The following DNMT3B variants were observed in gnomAD, a reference collection of about 807,000 sequenced individuals.
The protein encoded by DNMT3B is DNA methyltransferase 3 beta, also known as DNA (cytosine-5)-methyltransferase 3B.
A neutral mutation model predicts 120.2 loss-of-function variants in DNMT3B; 37 were observed. The observed-to-expected ratio is 0.31, with a 90% CI of 0.24 to 0.40. The LOEUF is 0.40. Ranked by LOEUF, DNMT3B falls within the 10% of genes least tolerant of loss-of-function variation. The pLI, the probability that DNMT3B is intolerant of heterozygous loss-of-function variation, is 1.00. For missense variants in DNMT3B, 878 were observed against 1,137.3 expected, an observed-to-expected ratio of 0.77 and a Z score of 3.28; for synonymous variants, 412 against 442.8, an observed-to-expected ratio of 0.93 and a Z score of 0.87.
At chr20:32,790,134 T>G (rs1057368067) in intron 7 of DNMT3B, among the ~76,000 whole-genome samples, 2 of 152,158 alleles carry the variant, frequency 1.3e-5, no homozygotes, top group African/African-American at 4.8e-5. Flanking sequence ...ATGAGCTAAT[T>G]GAAGTTTCCC....
intron 10 of DNMT3B, among the ~76,000 whole-genome samples, chr20:32,794,122 G>A (rs1461128141): frequency 6.6e-6 from 1 of 152,116 alleles, no homozygotes; most frequent in Non-Finnish European, 1.5e-5. Flanking sequence ...ATTTTGGGAC[G>A]CTGAGGTGGG....
chr20:32,794,869 T>G (rs1980422201), intron 10 of DNMT3B, among the ~76,000 whole-genome samples: 1 of 152,254 alleles, frequency 6.6e-6, no homozygotes. Context: ...CTGTATTAAC[T>G]ATATACAGAT....
intron 1 of DNMT3B, among the ~76,000 whole-genome samples, chr20:32,764,589 C>G (rs1390563892): frequency 2.0e-5 from 3 of 152,148 alleles, no homozygotes; most frequent in Non-Finnish European, 2.9e-5. Flanking sequence ...TGTTCCCTTT[C>G]GAACGGAGTC....
chr20:32,771,430 C>T (rs1987729708), intron 1 of DNMT3B, among the ~76,000 whole-genome samples: 1 of 152,100 alleles, frequency 6.6e-6, no homozygotes, highest in African/African-American at 2.4e-5. Context: ...CGCCTGAGGT[C>T]AGGAGTTCGA....
chr20:32,801,208 C>A, intron 18 of DNMT3B, 70 bp from the exon 19 acceptor site: 1 of 1,610,256 alleles, frequency 6.2e-7, no homozygotes. Context: ...ACCTGCTGGT[C>A]TCAGGGAATA....
rs1987012125 is a variant in DNMT3B, at chr20:32,762,437, C to T, written c.-269C>T. Reference sequence around the variant, plus strand: ...GCGCCGCTTCCTCGCAGCAGCTGCTCCCGGCTCCGCGGCCGCAGCCCGCGT... The same window carrying T: ...GCGCCGCTTCCTCGCAGCAGCTGCTTCCGGCTCCGCGGCCGCAGCCCGCGT... On this transcript the variant is annotated 5_prime_UTR_variant, in exon 1 of 23. Coordinates refer to ENST00000328111, the MANE Select transcript of DNMT3B (RefSeq NM_006892.4). 6.3e-6 allele frequency: 1 copy of T among 159,026 alleles called. No homozygotes were observed. The highest frequency in any genetic ancestry group is 2.4e-5 in the African/African-American group (1 of 41,454). 9.9% of individuals were successfully genotyped at this position (159,026 alleles called of 1,614,324 possible).
chr20:32,804,794 C>T (rs1222350460), intron 20 of DNMT3B, among the ~76,000 whole-genome samples: 2 of 149,824 alleles, frequency 1.3e-5, no homozygotes, highest in East Asian at 2.0e-4. Context: ...TAGGCTTAAG[C>T]GATCCTCCTG....
At chr20:32,780,543 G>C in intron 2 of DNMT3B, 78 bp downstream of exon 2, 1 of 1,570,832 alleles carries the variant, frequency 6.4e-7, no homozygotes, top group Non-Finnish European at 8.6e-7. Flanking sequence ...GGAGGCTTTG[G>C]GGAGAGTCTC....
chr20:32,787,602 C>A, intron 6 of DNMT3B, 151 bp downstream of exon 6: 1 of 915,326 alleles, frequency 1.1e-6, no homozygotes, highest in Non-Finnish European at 1.7e-6. Flanking sequence ...TAAGTATCTT[C>A]CATATGCACC....
intron 1 of DNMT3B, among the ~76,000 whole-genome samples, chr20:32,767,000 C>T (rs1405590662): frequency 1.3e-5 from 2 of 152,106 alleles, no homozygotes; most frequent in Non-Finnish European, 2.9e-5. Context: ...AAGTGATTCT[C>T]CTGCGTCAGC....
chr20:32,774,014 G>T (rs1399244761), intron 1 of DNMT3B, among the ~76,000 whole-genome samples: 1 of 123,612 alleles, frequency 8.1e-6, no homozygotes, highest in African/African-American at 3.1e-5. Context: ...TTCCTTATCA[G>T]ACAGAGCAAA....
intron 7 of DNMT3B, among the ~76,000 whole-genome samples, chr20:32,790,880 T>G (rs563561179): frequency 2.0e-5 from 3 of 152,292 alleles, no homozygotes; most frequent in African/African-American, 4.8e-5. Flanking sequence ...TCCAGGCTAG[T>G]CGAACTCCTG....
At chr20:32,790,149 G>T (rs1315004924) in intron 7 of DNMT3B, among the ~76,000 whole-genome samples, 1 of 152,170 alleles carries the variant, frequency 6.6e-6, no homozygotes, top group African/African-American at 2.4e-5. Flanking sequence ...TTTCCCAAGG[G>T]CTACAATAAT....
intron 16 of DNMT3B, 76 bp from the exon 17 acceptor site, chr20:32,800,077 A>C (rs1347757897): frequency 1.1e-5 from 18 of 1,595,422 alleles, no homozygotes; most frequent in Non-Finnish European, 1.5e-5. Context: ...TCATTTTACC[A>C]TAGCAGGGAG....
At chr20:32,771,679 CAA>C in intron 1 of DNMT3B, among the ~76,000 whole-genome samples, 1 of 131,466 alleles carries the variant, frequency 7.6e-6, no homozygotes, top group Admixed American at 7.5e-5. Context: ...AAATACCAAA[CAA>C]AAGTGAGCCT....
intron 14 of DNMT3B, 125 bp from the exon 15 acceptor site, chr20:32,798,335 G>A (rs1400827764): frequency 7.9e-7 from 1 of 1,265,350 alleles, no homozygotes. Flanking sequence ...AGGCTATGCT[G>A]TTAAGCAGCC....
intron 22 of DNMT3B, among the ~76,000 whole-genome samples, chr20:32,807,226 C>T (rs973391538): frequency 2.6e-5 from 4 of 152,186 alleles, no homozygotes; most frequent in Non-Finnish European, 5.9e-5. Flanking sequence ...CACTGAGGCT[C>T]AGCCTCTGTA....
At chr20:32,796,716 TGA>T in intron 12 of DNMT3B, 72 bp from the exon 13 acceptor site, 1 of 1,541,948 alleles carries the variant, frequency 6.5e-7, no homozygotes, top group Non-Finnish European at 9.0e-7. Flanking sequence ...TCTTAGGAAC[TGA>T]GAGACCCCAG....
rs201657518 is a variant in DNMT3B, at chr20:32,800,266, G to T, written c.1873G>T (p.Val625Leu). The change falls in exon 17 of 23, where the codon GTG becomes TTG. Residue 625 changes from valine (V) to leucine (L), a missense_variant. Around this residue, in one of 4 missense-constraint regions of DNMT3B, gnomAD observed 334 missense variants for 518.8 expected, o/e 0.64. Coordinates refer to ENST00000328111, the MANE Select transcript of DNMT3B (RefSeq NM_006892.4). ...TVKHEGNIKY[V>L]NDVRNITKKN... The stretch of plus-strand genomic sequence containing the variant: ...GAAGCACGAGGGGAATATCAAATAC[G>T]TGAACGACGTGAGGAACATCACAAA... The T allele has an allele frequency of 6.2e-7, 1 of 1,614,180 alleles. No homozygotes were observed. Among genetic ancestry groups the T allele is most frequent in the Non-Finnish European group, 8.5e-7 (1 of 1,180,028 alleles).
Sources: gnomAD v4.1 joint callset for allele counts (sites outside exome capture counted in the v4.1 genomes callset) on GRCh38, gnomAD v4.1.1 for gene constraint, gnomAD v4.1.1 regional missense constraint, MANE v1.5 for transcripts, NCBI Gene and HGNC (gene_info 2026-07-23, HGNC 2026-07-21) for gene names.